The following GON4L variants were observed in gnomAD, a reference collection of about 807,000 sequenced individuals.
GON4L encodes the protein GON-4-like protein.
GON4L carries 87 observed loss-of-function variants against 211.8 expected under a neutral mutation model. The observed-to-expected ratio is 0.41, with a 90% CI of 0.35 to 0.49. GON4L has a LOEUF of 0.49. Among genes scored for constraint, GON4L ranks in the 20% least tolerant of loss-of-function variants. The probability of loss-of-function intolerance (pLI) is 0.15; values close to 1 mark genes in which losing one functional copy is unlikely to be tolerated. For synonymous variants in GON4L, 875 were observed against 962.6 expected (o/e 0.91, Z 1.68); for missense variants, 2,155 against 2,659.5 (o/e 0.81, Z 4.17).
intron 2 of GON4L, among the ~76,000 whole-genome samples, chr1:155,836,553 GGTGT>G (rs1478814986): frequency 6.6e-6 from 1 of 152,036 alleles, no homozygotes; most frequent in African/African-American, 2.4e-5. Flanking sequence ...TGGCCGATGT[GGTGT>G]TCTTTAACTG....
At chr1:155,845,124 G>A (rs570563890) in intron 2 of GON4L, among the ~76,000 whole-genome samples, 6 of 152,282 alleles carry the variant, frequency 3.9e-5, no homozygotes, top group South Asian at 4.1e-4. Flanking sequence ...GGGGGAGTGA[G>A]GTAGGAGAGA....
intron 19 of GON4L, among the ~76,000 whole-genome samples, chr1:155,768,392 C>T (rs1452420715): frequency 6.6e-6 from 1 of 151,012 alleles, no homozygotes; most frequent in African/African-American, 2.4e-5. Flanking sequence ...GGGCAGATCA[C>T]GAGGTCAGGA....
At chr1:155,839,384 T>C (rs938870803) in intron 2 of GON4L, among the ~76,000 whole-genome samples, 5 of 152,018 alleles carry the variant, frequency 3.3e-5, no homozygotes, top group Non-Finnish European at 7.4e-5. Context: ...CACAGTGGCT[T>C]ATGCCTGTAA....
intron 12 of GON4L, 116 bp downstream of exon 12, chr1:155,794,933 GA>G: frequency 2.8e-6 from 2 of 720,580 alleles, no homozygotes; most frequent in Non-Finnish European, 5.1e-6. Flanking sequence ...ATGGGTAAAG[GA>G]AACCTAAATG....
At chr1:155,755,178 C>T (rs906492149) in intron 27 of GON4L, among the ~76,000 whole-genome samples, 3 of 150,618 alleles carry the variant, frequency 2.0e-5, no homozygotes, top group African/African-American at 4.9e-5. Context: ...TCAAGCGATT[C>T]CCATGTCTCA....
chr1:155,826,900 G>C lies in GON4L; in HGVS notation c.634C>G (p.Leu212Val). The change falls in exon 3 of 32, where the codon CTC (leucine) becomes GTC (valine). Residue 212 changes from leucine (L) to valine (V), a missense_variant. By Grantham distance (32) the Leu-to-Val change is conservative. Around this residue, in one of 6 missense-constraint regions of GON4L, gnomAD observed 313 missense variants for 293.2 expected, o/e 1.07. Coordinates refer to ENST00000368331, the MANE Select transcript of GON4L (RefSeq NM_001282860.2). The part of the protein sequence containing the change: ...DVCASPQEKP[L>V]RTLFHQPEEE... ...TCAGGTTGGTGAAACAGAGTCCTGA[G>C]TGGCTTTTCTTGAGGAGAGGCACAA... 2 of 1,613,792 alleles carry C rather than the reference G, an allele frequency of 1.2e-6. No homozygotes were observed. The highest frequency in any genetic ancestry group is 1.7e-6 in the Non-Finnish European group (2 of 1,179,660).
chr1:155,801,563 CTCTT>C (rs1385016649), intron 11 of GON4L, among the ~76,000 whole-genome samples: 2 of 152,102 alleles, frequency 1.3e-5, no homozygotes, highest in African/African-American at 2.4e-5. Flanking sequence ...TATTTTCTCT[CTCTT>C]TTTTAAAATT....
chr1:155,750,794 C>CAGCAACAGAGAGAG, intron 31 of GON4L, 61 bp from the exon 32 acceptor site: 1 of 1,501,194 alleles, frequency 6.7e-7, no homozygotes, highest in Non-Finnish European at 9.1e-7. Flanking sequence ...GACGGAGTCT[C>CAGCAACAGAGAGAG]TCTCTGTTGC....
At chr1:155,764,923 G>A (rs896540243) in intron 21 of GON4L, 77 bp downstream of exon 21, 13 of 1,611,544 alleles carry the variant, frequency 8.1e-6, no homozygotes, top group Non-Finnish European at 1.1e-5. Context: ...AGTGCAGCAA[G>A]CAAGCAGGTG....
intron 23 of GON4L, 43 bp from the exon 24 acceptor site, chr1:155,760,684 C>G (rs2101686149): frequency 1.5e-6 from 2 of 1,330,798 alleles, no homozygotes; most frequent in South Asian, 1.2e-5. Context: ...TTTATTTGGG[C>G]CACAACAAGC....
At chr1:155,810,974 A>C (rs1028680593) in intron 10 of GON4L, among the ~76,000 whole-genome samples, 2 of 152,032 alleles carry the variant, frequency 1.3e-5, no homozygotes, top group Non-Finnish European at 2.9e-5. Context: ...AGCTGAGATC[A>C]CACCACCGAA....
chr1:155,792,771 T>C (rs890732944), intron 12 of GON4L, among the ~76,000 whole-genome samples: 1 of 152,170 alleles, frequency 6.6e-6, no homozygotes, highest in Admixed American at 6.6e-5. Context: ...GAAAGACTCT[T>C]TTTTTGAAAC....
Position 155,834,920 on chromosome 1 carries a change from G to A in GON4L, c.506-7892C>T, listed in dbSNP as rs372791059. On this transcript the variant is annotated intron_variant, in intron 2 of 31. Coordinates refer to ENST00000368331, the MANE Select transcript of GON4L (RefSeq NM_001282860.2). Reference sequence around the variant, plus strand: ...AGGTGAGGGGCGCCTCTGCCCAGCCGCCCCTACTGGGAAGTGAGGAGCCCC... The same window carrying A: ...AGGTGAGGGGCGCCTCTGCCCAGCCACCCCTACTGGGAAGTGAGGAGCCCC... Among the ~76,000 whole-genome samples the A allele has an allele frequency of 2.0e-3, 303 of 148,536 alleles. 4 individuals are homozygous for A. In the South Asian group the frequency reaches 0.021, roughly 10 times the overall value.
intron 2 of GON4L, among the ~76,000 whole-genome samples, chr1:155,833,167 T>C (rs1274748996): frequency 1.3e-5 from 2 of 152,234 alleles, no homozygotes; most frequent in African/African-American, 2.4e-5. Flanking sequence ...TGTGAACTGA[T>C]TTTTAAAATC....
At chr1:155,816,028 A>G (rs1406878304) in intron 7 of GON4L, 128 bp from the exon 8 acceptor site, 3 of 725,502 alleles carry the variant, frequency 4.1e-6, no homozygotes, top group African/African-American at 1.8e-5. Flanking sequence ...GCTAAAGCAA[A>G]TAACACGAGG....
At chr1:155,772,124 GC>G (rs1370883923) in intron 18 of GON4L, among the ~76,000 whole-genome samples, 2 of 151,860 alleles carry the variant, frequency 1.3e-5, no homozygotes, top group African/African-American at 4.8e-5. Context: ...TTGCACTCCA[GC>G]CTGGGTGACA....
chr1:155,758,691 C>G (rs1478325827), intron 24 of GON4L, among the ~76,000 whole-genome samples: 2 of 152,124 alleles, frequency 1.3e-5, no homozygotes, highest in Admixed American at 1.3e-4. Context: ...CCAGCCTGAC[C>G]AACATGGTGA....
In GON4L at chr1:155,754,679, G is replaced by A. The variant is rs1362845599; in HGVS notation, c.5518-191C>T. Among the ~76,000 whole-genome samples, 5 of 151,206 alleles carry A rather than the reference G, an allele frequency of 3.3e-5. No individual in the cohort carries two copies. In the East Asian group the frequency reaches 5.9e-4, roughly 18 times the overall value. ...TGAGTAACTGGGATTACAGGTATGC[G>A]CCACCACACCCAGCTAATTTTTGTA... On this transcript the variant is annotated intron_variant, in intron 27 of 31. Transcript: ENST00000368331.
intron 20 of GON4L, chr1:155,767,152 A>G (rs964186383): frequency 3.9e-6 from 3 of 768,044 alleles, no homozygotes; most frequent in South Asian, 3.9e-5. Flanking sequence ...GTCTCTCTGC[A>G]TATCAAATCT....
Sources: gnomAD v4.1 joint callset for allele counts (sites outside exome capture counted in the v4.1 genomes callset) on GRCh38, gnomAD v4.1.1 for gene constraint, gnomAD v4.1.1 regional missense constraint, MANE v1.5 for transcripts, NCBI Gene and HGNC (gene_info 2026-07-23, HGNC 2026-07-21) for gene names.